The following ATXN7 variants were observed in gnomAD, a reference collection of about 807,000 sequenced individuals.
The protein encoded by ATXN7 is ataxin-7.
ATXN7 carries 12 observed loss-of-function variants against 70.5 expected under a neutral mutation model. That is an observed-to-expected ratio of 0.17 (90% CI 0.11 to 0.28). The LOEUF (loss-of-function observed/expected upper bound fraction) is 0.28. ATXN7 is among the 10% of genes least tolerant of loss of function. The pLI is 1.00. For synonymous variants in ATXN7, 498 were observed against 448.7 expected (o/e 1.11, Z -1.39); for missense variants, 1,256 against 1,131.7 (o/e 1.11, Z -1.58).
At chr3:63,900,876 G>A (rs972846228) in intron 2 of ATXN7, 1 of 152,398 alleles carries the variant, frequency 6.6e-6, no homozygotes, top group Non-Finnish European at 1.5e-5. Flanking sequence ...TCAAAAGTCT[G>A]TAGAGGCCAG....
chr3:63,932,572 AAACTACTT>A (rs1402474291), intron 4 of ATXN7, among the ~76,000 whole-genome samples: 3 of 152,186 alleles, frequency 2.0e-5, no homozygotes, highest in Admixed American at 6.5e-5. Context: ...GGTAAAGGTA[AAACTACTT>A]AATGTGGCTG....
At chr3:63,911,998 C>T (rs1235051725) in intron 2 of ATXN7, 1 of 152,340 alleles carries the variant, frequency 6.6e-6, no homozygotes, top group Non-Finnish European at 1.5e-5. Context: ...GGCTCCAGTC[C>T]GGGGGCTTGA....
chr3:63,935,472 A>G (rs1251577688), intron 4 of ATXN7, among the ~76,000 whole-genome samples: 1 of 151,964 alleles, frequency 6.6e-6, no homozygotes, highest in African/African-American at 2.4e-5. Flanking sequence ...ATTCACACAC[A>G]CTCGATGGCA....
chr3:63,940,816 A>G (rs1212415755), intron 4 of ATXN7, among the ~76,000 whole-genome samples: 3 of 152,302 alleles, frequency 2.0e-5, no homozygotes, highest in Non-Finnish European at 4.4e-5. Flanking sequence ...ACTCTAGACT[A>G]CATGCTTGTC....
intron 1 of ATXN7, among the ~76,000 whole-genome samples, chr3:63,892,093 C>G (rs1402311251): frequency 6.6e-6 from 1 of 152,074 alleles, no homozygotes; most frequent in Non-Finnish European, 1.5e-5. Flanking sequence ...GGGTCTGATC[C>G]AAGTTAAGCA....
intron 5 of ATXN7, among the ~76,000 whole-genome samples, chr3:63,953,751 A>G (rs992949401): frequency 3.3e-5 from 5 of 151,798 alleles, no homozygotes; most frequent in African/African-American, 1.2e-4. Flanking sequence ...CCCAGATTCA[A>G]GCAATTCCCT....
chr3:63,863,565 G>A, upstream of ATXN7: 1 of 1,195,746 alleles, frequency 8.4e-7, no homozygotes, highest in Admixed American at 4.5e-5. Context: ...TCCGAGGGGC[G>A]CTCGGGCTCT....
chr3:63,949,094 A>G (rs2074912349), intron 4 of ATXN7, among the ~76,000 whole-genome samples: 1 of 152,124 alleles, frequency 6.6e-6, no homozygotes, highest in African/African-American at 2.4e-5. Flanking sequence ...TAATTTGCAG[A>G]CGGGTTGATT....
At chr3:63,913,079 C>A in intron 3 of ATXN7, 78 bp from the exon 4 acceptor site, 1 of 1,513,258 alleles carries the variant, frequency 6.6e-7, no homozygotes, top group South Asian at 1.1e-5. Context: ...ACACCTACCC[C>A]GTGCGTGCGT....
intron 12 of ATXN7, among the ~76,000 whole-genome samples, chr3:63,997,249 C>A (rs1264296625): frequency 1.3e-5 from 2 of 151,298 alleles, no homozygotes; most frequent in African/African-American, 2.4e-5. Flanking sequence ...GAGACTATGT[C>A]TCAAAAAAAA....
intron 5 of ATXN7, among the ~76,000 whole-genome samples, chr3:63,978,101 G>C (rs1228248618): frequency 6.6e-6 from 1 of 152,174 alleles, no homozygotes; most frequent in Non-Finnish European, 1.5e-5. Flanking sequence ...GTCTACTGTA[G>C]TGTCTCAACC....
At chr3:63,970,515 T>A (rs1250286130) in intron 5 of ATXN7, among the ~76,000 whole-genome samples, 1 of 149,682 alleles carries the variant, frequency 6.7e-6, no homozygotes, top group African/African-American at 2.4e-5. Context: ...ATATTTGGAT[T>A]TTTTTTAAAG....
intron 4 of ATXN7, among the ~76,000 whole-genome samples, chr3:63,914,537 C>G (rs1442465460): frequency 2.0e-5 from 3 of 152,160 alleles, no homozygotes; most frequent in African/African-American, 7.2e-5. Flanking sequence ...GGCAGCCTGC[C>G]TGGGCTTAAA....
intron 1 of ATXN7, among the ~76,000 whole-genome samples, chr3:63,881,041 A>G (rs1183327390): frequency 6.6e-6 from 1 of 152,168 alleles, no homozygotes; most frequent in Non-Finnish European, 1.5e-5. Flanking sequence ...TTATCTGTAG[A>G]ATGGGAATAA....
intron 1 of ATXN7, among the ~76,000 whole-genome samples, chr3:63,891,392 C>T (rs543678481): frequency 2.0e-5 from 3 of 151,924 alleles, no homozygotes; most frequent in Non-Finnish European, 4.4e-5. Flanking sequence ...AGTCATAGCT[C>T]ACTGCAGCCT....
chr3:63,905,138 G>A (rs1703790241), intron 2 of ATXN7: 1 of 152,070 alleles, frequency 6.6e-6, no homozygotes. Flanking sequence ...GGCATCCTTT[G>A]AAGCACAGAA....
chr3:63,989,773 C>T (rs2075638238), intron 9 of ATXN7, among the ~76,000 whole-genome samples: 1 of 152,126 alleles, frequency 6.6e-6, no homozygotes, highest in Non-Finnish European at 1.5e-5. Flanking sequence ...GCCTCAATTC[C>T]CCATGGATAC....
chr3:63,906,918 G>C (rs1272148412), intron 2 of ATXN7, among the ~76,000 whole-genome samples: 1 of 152,212 alleles, frequency 6.6e-6, no homozygotes. Context: ...TGAATGCTAG[G>C]AGAGAAGTTT....
At chr3:63,868,384 C>G (rs1702497872) in intron 1 of ATXN7, among the ~76,000 whole-genome samples, 1 of 152,154 alleles carries the variant, frequency 6.6e-6, no homozygotes, top group African/African-American at 2.4e-5. Flanking sequence ...CTAGAAGTTT[C>G]CCGTATAAAA....
Sources: allele counts gnomAD v4.1 joint callset (sites outside exome capture counted in the v4.1 genomes callset), GRCh38; gene constraint gnomAD v4.1.1; transcripts MANE v1.5; gene names NCBI Gene and HGNC (gene_info 2026-07-23, HGNC 2026-07-21).